The following RSF1 variants were observed in gnomAD, a reference collection of about 807,000 sequenced individuals.
RSF1 encodes the protein HBV pX-associated protein 8.
In RSF1, 13 loss-of-function variants were observed where a neutral mutation model predicts 145.2. The ratio of observed to expected loss-of-function variants is 0.09; its 90% CI spans 0.06 to 0.14. The LOEUF is 0.14. RSF1 is among the 10% of genes least tolerant of loss of function. The pLI is 1.00. For synonymous variants in RSF1, 577 were observed against 592.6 expected (o/e 0.97, Z 0.38); for missense variants, 1,517 against 1,718.2 (o/e 0.88, Z 2.07).
chr11:77,845,212 G>T, the RSF1 span, among the ~76,000 whole-genome samples: 1 of 152,068 alleles, frequency 6.6e-6, no homozygotes, highest in East Asian at 1.9e-4. Flanking sequence ...CCCTTTTCTT[G>T]TGACTCTCAT....
intron 1 of RSF1, among the ~76,000 whole-genome samples, chr11:77,770,125 G>C (rs185559219): frequency 6.6e-4 from 101 of 152,258 alleles, no homozygotes; most frequent in Non-Finnish European, 1.1e-3. Context: ...CAAAGAAACA[G>C]CTCAAGACTA....
Position 77,663,214 on chromosome 11 carries a change from A to G in RSF1, c.*3703T>C, listed in dbSNP as rs1287433289. ...TACAGTTGTGTGGTAGAATCAGCAAAGGGTTAACATCTCTTATGCCCACAA... is the reference window on the plus strand; with the variant it reads ...TACAGTTGTGTGGTAGAATCAGCAAGGGGTTAACATCTCTTATGCCCACAA... On this transcript the variant is annotated 3_prime_UTR_variant, in exon 16 of 16. Coordinates refer to ENST00000308488, the MANE Select transcript of RSF1 (RefSeq NM_016578.4). The G allele has an allele frequency of 1.3e-5, 2 of 152,186 alleles. No individual in the cohort carries two copies. Among genetic ancestry groups the G allele is most frequent in the Admixed American group, 1.3e-4 (2 of 15,264 alleles). 9.4% of individuals were successfully genotyped at this position (152,186 alleles called of 1,614,324 possible). A position where few individuals can be genotyped will look rare whatever the true frequency, so the allele number is the denominator to read the frequency against.
At chr11:77,781,649 TG>T (rs1948405897) in intron 1 of RSF1, among the ~76,000 whole-genome samples, 2 of 152,210 alleles carry the variant, frequency 1.3e-5, no homozygotes, top group Admixed American at 6.5e-5. Flanking sequence ...TTTTAAAGAA[TG>T]TTTTTTTCTT....
chr11:77,798,553 T>C (rs568395003), intron 1 of RSF1, among the ~76,000 whole-genome samples: 13 of 116,748 alleles, frequency 1.1e-4, no homozygotes, highest in African/African-American at 4.4e-4. Context: ...TGCACTCTAG[T>C]CTGCATGACA....
intron 15 of RSF1, among the ~76,000 whole-genome samples, chr11:77,671,106 C>CAAAAA (rs1171789380): frequency 1.1e-3 from 6 of 5,532 alleles, no homozygotes; most frequent in Admixed American, 3.6e-3. Context: ...ACTCTGTCAC[C>CAAAAA]AAAAAAAAAA....
At chr11:77,829,336 G>A in the RSF1 span, among the ~76,000 whole-genome samples, 1 of 152,118 alleles carries the variant, frequency 6.6e-6, no homozygotes, top group Admixed American at 6.5e-5. Flanking sequence ...CCAGAACTGT[G>A]AAAAATAAAT....
At chr11:77,867,495 T>G in the RSF1 span, among the ~76,000 whole-genome samples, 1 of 152,226 alleles carries the variant, frequency 6.6e-6, no homozygotes, top group Non-Finnish European at 1.5e-5. Context: ...ATGGAACATT[T>G]GGTTCATCTC....
At chr11:77,724,130 T>C (rs937967930) in intron 5 of RSF1, among the ~76,000 whole-genome samples, 2 of 152,062 alleles carry the variant, frequency 1.3e-5, no homozygotes, top group African/African-American at 4.8e-5. Context: ...GATATACAAA[T>C]GGCCAATAAA....
chr11:77,756,259 G>A (rs1262313325), intron 2 of RSF1, among the ~76,000 whole-genome samples: 1 of 151,370 alleles, frequency 6.6e-6, no homozygotes, highest in Non-Finnish European at 1.5e-5. Context: ...TAGGGAGGCT[G>A]AGGCAGGAGA....
In RSF1 at chr11:77,701,913, T is replaced by G. The variant is rs1233238692; in HGVS notation, c.1316A>C (p.Lys439Thr). ...ACTAACTTCTCCATTTACCAGCTGT[T>G]TCCCTTCATGACCCAAAGCAGTGAT... ...STITALGHEG[K>T]QLVNGEVSDE... Residue 439 changes from lysine (K) to threonine (T), a missense_variant, in exon 6 of 16, where the codon AAA becomes ACA. Physicochemically the swap from Lys to Thr is moderately conservative, Grantham distance 78. This residue lies in a region of RSF1 where 579 missense variants were observed against 553.5 expected (regional missense o/e 1.05). Transcript: ENST00000308488. The G allele has an allele frequency of 6.2e-7, 1 of 1,613,590 alleles. No homozygotes were observed. The highest frequency in any genetic ancestry group is 1.1e-5 in the South Asian group (1 of 91,012).
chr11:77,697,372 A>G (rs539322621), intron 7 of RSF1, among the ~76,000 whole-genome samples: 2 of 150,698 alleles, frequency 1.3e-5, no homozygotes, highest in African/African-American at 2.4e-5. Flanking sequence ...AAAGAACAGC[A>G]CAGGTGCATA....
the RSF1 span, among the ~76,000 whole-genome samples, chr11:77,828,734 A>G: frequency 6.6e-6 from 1 of 152,136 alleles, no homozygotes; most frequent in African/African-American, 2.4e-5. Context: ...AAAGACGTAC[A>G]TGGGAAGAAA....
intron 5 of RSF1, among the ~76,000 whole-genome samples, chr11:77,706,133 C>T (rs947199197): frequency 6.7e-6 from 1 of 150,106 alleles, no homozygotes; most frequent in Non-Finnish European, 1.5e-5. Context: ...CCCAGCTACT[C>T]GAGAGGCTGA....
rs151274566 is a variant in RSF1, at chr11:77,712,906, C to T, written c.734-10411G>A. Among the ~76,000 whole-genome samples, 9 of 152,270 alleles carry T rather than the reference C, an allele frequency of 5.9e-5. No homozygotes were observed. The East Asian group carries it at 1.3e-3, about 23-fold the overall frequency. On this transcript the variant is annotated intron_variant, in intron 5 of 15. Coordinates refer to ENST00000308488, the MANE Select transcript of RSF1 (RefSeq NM_016578.4). ...CACTGGCACCTATGTCCTAATGATA[C>T]GCCCAAATCCCTTTTTGAGCACATC...
chr11:77,703,035 A>G (rs1330343456), intron 5 of RSF1: 1 of 152,172 alleles, frequency 6.6e-6, no homozygotes, highest in Non-Finnish European at 1.5e-5. Context: ...TATATTTTTC[A>G]CTAAGTTGGT....
intron 5 of RSF1, among the ~76,000 whole-genome samples, chr11:77,707,266 G>C (rs77438384): frequency 6.6e-6 from 1 of 152,146 alleles, no homozygotes; most frequent in African/African-American, 2.4e-5. Flanking sequence ...GGTAACAAAA[G>C]CTAGTCTAAA....
intron 1 of RSF1, among the ~76,000 whole-genome samples, chr11:77,803,751 G>C (rs1230375337): frequency 6.6e-6 from 1 of 151,972 alleles, no homozygotes; most frequent in Non-Finnish European, 1.5e-5. Flanking sequence ...GCACTCCAGT[G>C]TGTGCAACAG....
intron 4 of RSF1, among the ~76,000 whole-genome samples, chr11:77,738,523 G>A (rs945465217): frequency 4.6e-5 from 7 of 152,114 alleles, no homozygotes; most frequent in Admixed American, 3.3e-4. Context: ...TGTTATCCAT[G>A]AGGGTCTGGA....
intron 8 of RSF1, 71 bp downstream of exon 8, chr11:77,693,436 A>C: frequency 1.1e-6 from 1 of 902,522 alleles, no homozygotes; most frequent in Non-Finnish European, 1.8e-6. Flanking sequence ...ATATTCATTC[A>C]GTAGCTATTA....
Sources: gnomAD v4.1 joint callset for allele counts (sites outside exome capture counted in the v4.1 genomes callset) on GRCh38, gnomAD v4.1.1 for gene constraint, gnomAD v4.1.1 regional missense constraint, MANE v1.5 for transcripts, NCBI Gene and HGNC (gene_info 2026-07-23, HGNC 2026-07-21) for gene names.